Variants in GPC4 observed in about 807,000 individuals in gnomAD.
The protein encoded by GPC4 is glypican 4, also known as glypican-4.
Under a neutral mutation model 35.0 loss-of-function variants are expected in GPC4, and 10 were observed. That is an observed-to-expected ratio of 0.29 (90% CI 0.18 to 0.48). The LOEUF is 0.48. Ranked by LOEUF, GPC4 falls within the 20% of genes least tolerant of loss-of-function variation. The pLI, the probability that GPC4 is intolerant of heterozygous loss-of-function variation, is 0.99. For synonymous variants in GPC4, 167 were observed against 170.2 expected (o/e 0.98, Z 0.15); for missense variants, 322 against 451.3 (o/e 0.71, Z 2.60).
At chrX:133,402,479 T>C (rs1344397986) in intron 1 of GPC4, among the ~76,000 whole-genome samples, 1 of 111,996 alleles carries the variant, frequency 8.9e-6, no homozygotes, top group Non-Finnish European at 1.9e-5. Flanking sequence ...AAGAAAGGAC[T>C]AGCATGAAAA....
At chrX:133,335,258 CTA>C (rs2068436734) in intron 2 of GPC4, among the ~76,000 whole-genome samples, 1 of 111,354 alleles carries the variant, frequency 9.0e-6, no homozygotes, top group South Asian at 3.8e-4. Context: ...CAATCTGGCT[CTA>C]TGTCTCCAGC....
At chrX:133,366,088 C>A (rs1228089292) in intron 1 of GPC4, among the ~76,000 whole-genome samples, 2 of 111,850 alleles carry the variant, frequency 1.8e-5, no homozygotes, top group Non-Finnish European at 3.8e-5. Context: ...CTTCCCAAGT[C>A]CTTATCAGCT....
At chrX:133,357,642 G>T (rs1722268861) in intron 1 of GPC4, among the ~76,000 whole-genome samples, 1 of 110,160 alleles carries the variant, frequency 9.1e-6, no homozygotes, top group South Asian at 4.0e-4. Context: ...CCTCATGGTG[G>T]CTGGGATGAT....
intron 1 of GPC4, among the ~76,000 whole-genome samples, chrX:133,394,068 G>T (rs1401249837): frequency 9.1e-6 from 1 of 110,491 alleles, no homozygotes; most frequent in African/African-American, 3.3e-5. Context: ...GTCAGGAGTT[G>T]GAGACCAGCC....
intron 1 of GPC4, among the ~76,000 whole-genome samples, chrX:133,378,349 C>T (rs1387313693): frequency 2.7e-5 from 3 of 110,188 alleles, no homozygotes; most frequent in Non-Finnish European, 5.7e-5. Context: ...GGGTGGATCA[C>T]GAGGTCAGGA....
chrX:133,395,260 T>C (rs1331680650), intron 1 of GPC4, among the ~76,000 whole-genome samples: 1 of 111,978 alleles, frequency 8.9e-6, no homozygotes, highest in Non-Finnish European at 1.9e-5. Context: ...ATAACAATTA[T>C]CACCATGATT....
chrX:133,333,124 T>C (rs1406532635), intron 2 of GPC4, among the ~76,000 whole-genome samples: 1 of 112,002 alleles, frequency 8.9e-6, no homozygotes, highest in African/African-American at 3.2e-5. Flanking sequence ...TCGGTTGGAG[T>C]CAGTGCTAGA....
intron 7 of GPC4, 72 bp from the exon 8 acceptor site, chrX:133,303,413 G>T: frequency 1.1e-6 from 1 of 913,099 alleles, no homozygotes; most frequent in Non-Finnish European, 1.5e-6. Flanking sequence ...CTCCCAAAGT[G>T]CTGGGATTAC....
At position 133,300,962 on chromosome X, in the gene GPC4, A is replaced by G. The variant is rs2068265107; in HGVS notation, c.*1905T>C. The G allele has an allele frequency of 9.0e-6, 1 of 110,988 alleles. No individual in the cohort carries two copies. The highest frequency in any genetic ancestry group is 3.8e-4 in the South Asian group (1 of 2,637). The allele number at this position is 110,988 out of a possible 1,213,427, so 9.1% of individuals were successfully genotyped here. ...ATTTACAATCTATTTTCCCTTATAT[A>G]TAAATGGAGTGCCTTTTCAATTTTA... On this transcript the variant is annotated 3_prime_UTR_variant, in exon 9 of 9. Coordinates refer to ENST00000370828, the MANE Select transcript of GPC4 (RefSeq NM_001448.3).
At chrX:133,322,257 A>G (rs948998602) in intron 3 of GPC4, among the ~76,000 whole-genome samples, 7 of 110,768 alleles carry the variant, frequency 6.3e-5, no homozygotes, top group Middle Eastern at 4.6e-3. Context: ...CAGCCTGGCC[A>G]ACATGGTGAA....
At position 133,304,713 on chromosome X, in the gene GPC4, A is replaced by G; in HGVS notation, c.1292+12T>C. 1.7e-6 allele frequency: 2 copies of G among 1,210,604 alleles called. No individual in the cohort carries two copies. Among genetic ancestry groups the G allele is most frequent in the South Asian group, 1.8e-5 (1 of 56,861 alleles). ...AAGGGAGAAACTTCAAATTCATTCA[A>G]CAGACACTAACCTGCTTTTGCCTTT... On this transcript the variant is annotated intron_variant, in intron 7 of 8. Coordinates refer to ENST00000370828, the MANE Select transcript of GPC4 (RefSeq NM_001448.3).
chrX:133,396,316 A>C (rs896204705), intron 1 of GPC4, among the ~76,000 whole-genome samples: 9 of 111,600 alleles, frequency 8.1e-5, no homozygotes, highest in Non-Finnish European at 1.3e-4. Context: ...TTTACCATCA[A>C]TTTTTGTTCA....
intron 3 of GPC4, 89 bp downstream of exon 3, chrX:133,324,053 TTGG>T: frequency 1.0e-6 from 1 of 992,270 alleles, no homozygotes; most frequent in Non-Finnish European, 1.4e-6. Context: ...CAACAGAATT[TTGG>T]TGATTTATTT....
chrX:133,385,877 C>T (rs1286721231), intron 1 of GPC4, among the ~76,000 whole-genome samples: 2 of 109,833 alleles, frequency 1.8e-5, no homozygotes, highest in Non-Finnish European at 1.9e-5. Context: ...AATGAAAGGA[C>T]AGCCCCAAAA....
intron 1 of GPC4, among the ~76,000 whole-genome samples, chrX:133,347,254 T>TG (rs2068496521): frequency 2.4e-5 from 2 of 83,807 alleles, no homozygotes; most frequent in Non-Finnish European, 4.4e-5. Context: ...AGAAGTTTTT[T>TG]TTTTTTTTTT....
At chrX:133,391,449 G>C (rs1308839180) in intron 1 of GPC4, among the ~76,000 whole-genome samples, 2 of 112,267 alleles carry the variant, frequency 1.8e-5, no homozygotes, top group Non-Finnish European at 3.8e-5. Context: ...GTCTGGAAAA[G>C]AATGGCCTGG....
intron 1 of GPC4, among the ~76,000 whole-genome samples, chrX:133,340,531 G>T (rs1196738771): frequency 8.9e-6 from 1 of 111,954 alleles, no homozygotes; most frequent in Admixed American, 9.5e-5. Context: ...AATGGTAAGT[G>T]TGACCAATCA....
At chrX:133,384,144 T>C (rs2068677074) in intron 1 of GPC4, among the ~76,000 whole-genome samples, 1 of 112,154 alleles carries the variant, frequency 8.9e-6, no homozygotes, top group Non-Finnish European at 1.9e-5. Context: ...GATAAAAATG[T>C]AAAAGGCCTA....
chrX:133,400,922 G>A (rs1201715657), intron 1 of GPC4, among the ~76,000 whole-genome samples: 1 of 81,002 alleles, frequency 1.2e-5, no homozygotes, highest in African/African-American at 4.6e-5. Context: ...GGGTGGGGGG[G>A]TGGGAGTATC....
Sources: gnomAD v4.1 joint callset for allele counts (sites outside exome capture counted in the v4.1 genomes callset) on GRCh38, gnomAD v4.1.1 for gene constraint, MANE v1.5 for transcripts, NCBI Gene and HGNC (gene_info 2026-07-23, HGNC 2026-07-21) for gene names.